GALNT2: variants seen among roughly 807,000 people sequenced by gnomAD.
The protein encoded by GALNT2 is UDP-GalNAc:polypeptide N-acetylgalactosaminyltransferase 2.
Under a neutral mutation model 81.4 loss-of-function variants are expected in GALNT2, and 31 were observed. That is an observed-to-expected ratio of 0.38 (90% CI 0.29 to 0.51). The LOEUF is 0.51. GALNT2 is among the 20% of genes least tolerant of loss of function. The probability of loss-of-function intolerance (pLI) is 0.87; values close to 1 mark genes in which losing one functional copy is unlikely to be tolerated. For synonymous variants in GALNT2, 303 were observed against 287.4 expected, an observed-to-expected ratio of 1.05 and a Z score of -0.55; for missense variants, 629 against 765.7, an observed-to-expected ratio of 0.82 and a Z score of 2.11.
intron 1 of GALNT2, among the ~76,000 whole-genome samples, chr1:230,105,642 G>A (rs1660521960): frequency 6.6e-6 from 1 of 152,182 alleles, no homozygotes; most frequent in Non-Finnish European, 1.5e-5. Flanking sequence ...TGAGGTGGGA[G>A]TTGCATAAAT....
intron 1 of GALNT2, among the ~76,000 whole-genome samples, chr1:230,163,473 G>A (rs1165212209): frequency 2.0e-5 from 3 of 152,224 alleles, no homozygotes; most frequent in Non-Finnish European, 4.4e-5. Context: ...CTTCTCAGGC[G>A]GTTGTGTGGC....
chr1:230,065,439 G>A (rs570809744), upstream of GALNT2, among the ~76,000 whole-genome samples: 5 of 152,218 alleles, frequency 3.3e-5, no homozygotes, highest in African/African-American at 9.6e-5. Context: ...GTGTGTGTGT[G>A]TATGTGTATA....
chr1:230,245,173 A>T (rs923735004), intron 7 of GALNT2, among the ~76,000 whole-genome samples: 10 of 151,860 alleles, frequency 6.6e-5, no homozygotes, highest in Admixed American at 6.5e-4. Flanking sequence ...TTTTTAATAG[A>T]ATCACAGGGG....
intron 1 of GALNT2, among the ~76,000 whole-genome samples, chr1:230,072,175 G>T (rs1471696880): frequency 6.6e-6 from 1 of 152,130 alleles, no homozygotes; most frequent in Non-Finnish European, 1.5e-5. Context: ...GAGAGGGGGT[G>T]GGGGAGATTG....
At chr1:230,108,528 T>C (rs1660607606) in intron 1 of GALNT2, among the ~76,000 whole-genome samples, 1 of 152,222 alleles carries the variant, frequency 6.6e-6, no homozygotes, top group African/African-American at 2.4e-5. Flanking sequence ...TGATGGGATA[T>C]ATAAGGATGA....
chr1:230,151,074 A>G (rs187976970), intron 1 of GALNT2, among the ~76,000 whole-genome samples: 9 of 152,336 alleles, frequency 5.9e-5, no homozygotes, highest in East Asian at 3.9e-4. Context: ...CTGGAGCACA[A>G]TATTCTTCCT....
chr1:230,088,759 G>T lies in GALNT2; in HGVS notation c.126+21353G>T, dbSNP rs565805336. 5.9e-5 allele frequency among the ~76,000 whole-genome samples: 9 copies of T among 152,094 alleles called. 1 individual carries two copies. The South Asian group carries it at 1.9e-3, about 32-fold the overall frequency. ...TCATTGTGTTGGCCAGGCTGGTCTT[G>T]ATCTCCTGACCTCATGATCCACCTG... is the stretch of plus-strand genomic sequence containing the variant. On this transcript the variant is annotated intron_variant, in intron 1 of 15. Transcript: ENST00000366672.
rs145045381 is a variant in GALNT2 at position 230,144,570 on chromosome 1, C to T, written c.127-33648C>T. Among the ~76,000 whole-genome samples the T allele has an allele frequency of 2.7e-3, 416 of 152,256 alleles. 4 individuals carry two copies. Among genetic ancestry groups the T allele is most frequent in the African/African-American group, 9.0e-3 (376 of 41,550 alleles). ...TTGTGCCAACATCTGCAACAATAGACGCTGTATACTCTTAGGTACCAAGCA... is the reference window on the plus strand; with the variant it reads ...TTGTGCCAACATCTGCAACAATAGATGCTGTATACTCTTAGGTACCAAGCA... On this transcript the variant is annotated intron_variant, in intron 1 of 15. Transcript: ENST00000366672.
At chr1:230,265,132 CT>C in intron 13 of GALNT2, 108 bp from the exon 14 acceptor site, 1 of 1,460,486 alleles carries the variant, frequency 6.8e-7, no homozygotes, top group Non-Finnish European at 9.5e-7. Flanking sequence ...GTCACTGGGT[CT>C]TTCTCTCGTT....
rs114186285 is a variant in GALNT2 at position 230,231,936 on chromosome 1, C to T, written c.375-4078C>T. Reference sequence around the variant, plus strand: ...AAACCTTACTGCACACTGTTCCTGCCGCTGACTTCAAATAAACTGCAGTTT... The same window carrying T: ...AAACCTTACTGCACACTGTTCCTGCTGCTGACTTCAAATAAACTGCAGTTT... On this transcript the variant is annotated intron_variant, in intron 3 of 15. Coordinates refer to ENST00000366672, the MANE Select transcript of GALNT2 (RefSeq NM_004481.5). Among the ~76,000 whole-genome samples the T allele has an allele frequency of 3.9e-3, 588 of 152,186 alleles. 7 individuals carry two copies. The highest frequency in any genetic ancestry group is 0.014 in the African/African-American group (563 of 41,526).
intron 1 of GALNT2, among the ~76,000 whole-genome samples, chr1:230,080,258 C>T (rs1464379442): frequency 1.3e-5 from 2 of 152,122 alleles, no homozygotes; most frequent in African/African-American, 4.8e-5. Flanking sequence ...AAGCGAAGCT[C>T]TCATCAGCTA....
chr1:230,237,097 G>A (rs16851177), intron 6 of GALNT2, among the ~76,000 whole-genome samples: 2,426 of 152,284 alleles, frequency 0.016, 63 homozygotes, highest in African/African-American at 0.056. Flanking sequence ...AAAATAACCG[G>A]GATTCAAGTT....
chr1:230,151,542 GGGA>G (rs1662094358), intron 1 of GALNT2, among the ~76,000 whole-genome samples: 2 of 152,164 alleles, frequency 1.3e-5, no homozygotes, highest in African/African-American at 4.8e-5. Flanking sequence ...AGATAGCCCT[GGGA>G]GGAGAATTTC....
At chr1:230,232,402 G>A (rs946326195) in intron 3 of GALNT2, among the ~76,000 whole-genome samples, 60 of 152,152 alleles carry the variant, frequency 3.9e-4, no homozygotes, top group Non-Finnish European at 4.4e-4. Flanking sequence ...CCAGAGCCCC[G>A]TGAGACTTTC....
At chr1:230,138,246 G>C (rs1367481951) in intron 1 of GALNT2, among the ~76,000 whole-genome samples, 1 of 152,180 alleles carries the variant, frequency 6.6e-6, no homozygotes, top group Non-Finnish European at 1.5e-5. Flanking sequence ...ACAGGGCCAG[G>C]CATGGTGGCT....
intron 14 of GALNT2, among the ~76,000 whole-genome samples, chr1:230,272,672 TG>T (rs1666186808): frequency 1.3e-5 from 2 of 152,172 alleles, no homozygotes; most frequent in African/African-American, 4.8e-5. Flanking sequence ...TCCCCTCTGC[TG>T]ATGCTGAGAG....
chr1:230,071,383 C>T (rs563831297), intron 1 of GALNT2, among the ~76,000 whole-genome samples: 2 of 152,242 alleles, frequency 1.3e-5, no homozygotes, highest in East Asian at 3.9e-4. Context: ...GGGCAGCCAT[C>T]GGGAATGTGG....
chr1:230,078,188 A>C (rs1659620696), intron 1 of GALNT2, among the ~76,000 whole-genome samples: 2 of 152,334 alleles, frequency 1.3e-5, no homozygotes, highest in African/African-American at 4.8e-5. Flanking sequence ...ATCTGCAATT[A>C]AGGCAATTCC....
chr1:230,100,855 T>C (rs1390523416), intron 1 of GALNT2, among the ~76,000 whole-genome samples: 1 of 127,130 alleles, frequency 7.9e-6, no homozygotes, highest in African/African-American at 3.0e-5. Context: ...ATTTAGGAAG[T>C]GTATGGGAAA....
Sources: gnomAD v4.1 joint callset for allele counts (sites outside exome capture counted in the v4.1 genomes callset) on GRCh38, gnomAD v4.1.1 for gene constraint, MANE v1.5 for transcripts, NCBI Gene and HGNC (gene_info 2026-07-23, HGNC 2026-07-21) for gene names.